The following DOK6 variants were observed in gnomAD, a reference collection of about 807,000 sequenced individuals.
The protein encoded by DOK6 is docking protein 6, also known as downstream of tyrosine kinase 6.
Under a neutral mutation model 44.0 loss-of-function variants are expected in DOK6, and 22 were observed. The ratio of observed to expected loss-of-function variants is 0.50; its 90% CI spans 0.36 to 0.71. DOK6 has a LOEUF of 0.71. Ranked by LOEUF, DOK6 falls within the 30% of genes least tolerant of loss-of-function variation. DOK6 has a pLI of 0.00. For missense variants in DOK6, 340 were observed against 416.4 expected (o/e 0.82, Z 1.60); for synonymous variants, 166 against 145.5 (o/e 1.14, Z -1.01).
chr18:69,825,890 T>TA (rs373518533), intron 7 of DOK6, among the ~76,000 whole-genome samples: 77 of 146,210 alleles, frequency 5.3e-4, no homozygotes, highest in Admixed American at 9.6e-4. Context: ...AGTGTGGCAT[T>TA]AAAAAAAAAA....
Position 69,845,442 on chromosome 18 carries a change from C to A in DOK6, c.*4059C>A, listed in dbSNP as rs1443419238. 1 of 152,074 alleles carries A rather than the reference C, an allele frequency of 6.6e-6. No individual in the cohort carries two copies. Among genetic ancestry groups the A allele is most frequent in the South Asian group, 2.1e-4 (1 of 4,832 alleles). 9.4% of individuals were successfully genotyped at this position (152,074 alleles called of 1,614,324 possible). A position where few individuals can be genotyped will look rare whatever the true frequency, so the allele number is the denominator to read the frequency against. ...CTCCCAAACACAGCCTTCTCAAAAT[C>A]GATAAAAATTTGCCACTGAATATGC... On this transcript the variant is annotated 3_prime_UTR_variant, in exon 8 of 8. Transcript: ENST00000382713.
intron 7 of DOK6, among the ~76,000 whole-genome samples, chr18:69,794,009 T>A (rs1356204754): frequency 6.6e-6 from 1 of 152,148 alleles, no homozygotes; most frequent in Non-Finnish European, 1.5e-5. Flanking sequence ...TTATTTAACA[T>A]CCCTGACAGA....
intron 2 of DOK6, among the ~76,000 whole-genome samples, chr18:69,584,039 C>T (rs1342607123): frequency 7.2e-5 from 10 of 138,336 alleles, no homozygotes; most frequent in South Asian, 4.7e-4. Flanking sequence ...ACCCGGGAGG[C>T]GGAGCTTGCA....
chr18:69,688,871 T>A (rs1986208035), intron 4 of DOK6, among the ~76,000 whole-genome samples: 2 of 152,216 alleles, frequency 1.3e-5, no homozygotes, highest in Non-Finnish European at 2.9e-5. Flanking sequence ...CTAGAATGAC[T>A]GGATATCTGT....
At chr18:69,545,600 C>A (rs1022001727) in intron 1 of DOK6, among the ~76,000 whole-genome samples, 1 of 150,284 alleles carries the variant, frequency 6.7e-6, no homozygotes, top group East Asian at 1.9e-4. Flanking sequence ...CATCATTTGC[C>A]CATTATGAAT....
In DOK6 at chr18:69,448,546, G is replaced by A. The variant is rs553203221; in HGVS notation, c.66+47236G>A. ...ACCACCATGCCCAGCTAATGTTTTTGTATTTTTAGTAGAGACAGGGTTTCA... is the reference window on the plus strand; with the variant it reads ...ACCACCATGCCCAGCTAATGTTTTTATATTTTTAGTAGAGACAGGGTTTCA... On this transcript the variant is annotated intron_variant, in intron 1 of 7. Coordinates refer to ENST00000382713, the MANE Select transcript of DOK6 (RefSeq NM_152721.6). 1.1e-3 allele frequency among the ~76,000 whole-genome samples: 171 copies of A among 152,034 alleles called. 3 individuals are homozygous for A. The highest frequency in any genetic ancestry group is 3.4e-3 in the Middle Eastern group (1 of 292).
At chr18:69,558,882 TG>T (rs1982756239) in intron 1 of DOK6, among the ~76,000 whole-genome samples, 1 of 152,038 alleles carries the variant, frequency 6.6e-6, no homozygotes, top group South Asian at 2.1e-4. Flanking sequence ...ATTTTGAAAA[TG>T]TACCATTGTT....
chr18:69,456,090 G>T (rs1979625694), intron 1 of DOK6, among the ~76,000 whole-genome samples: 1 of 152,080 alleles, frequency 6.6e-6, no homozygotes, highest in African/African-American at 2.4e-5. Context: ...ACCCATTGTA[G>T]TCAAGAACCG....
intron 5 of DOK6, among the ~76,000 whole-genome samples, chr18:69,726,514 T>G (rs576369114): frequency 3.3e-5 from 5 of 152,206 alleles, no homozygotes; most frequent in African/African-American, 1.2e-4. Flanking sequence ...AGTGCCTAAG[T>G]ATGCCTTGCC....
intron 3 of DOK6, among the ~76,000 whole-genome samples, chr18:69,664,038 G>T (rs1383568087): frequency 2.6e-5 from 4 of 152,120 alleles, no homozygotes; most frequent in African/African-American, 9.7e-5. Flanking sequence ...AAAATAAAAT[G>T]CTGTGTGATG....
At chr18:69,659,164 G>T (rs1279344974) in intron 3 of DOK6, among the ~76,000 whole-genome samples, 1 of 152,192 alleles carries the variant, frequency 6.6e-6, no homozygotes, top group African/African-American at 2.4e-5. Context: ...AGCTCTGCAT[G>T]TTCTCTGCTG....
intron 1 of DOK6, among the ~76,000 whole-genome samples, chr18:69,557,812 G>A (rs555524730): frequency 4.8e-4 from 73 of 152,236 alleles, no homozygotes; most frequent in South Asian, 2.9e-3. Context: ...GTCATCTGCC[G>A]TAAGACAGAC....
chr18:69,817,113 G>A (rs540542783), intron 7 of DOK6, among the ~76,000 whole-genome samples: 1 of 152,204 alleles, frequency 6.6e-6, no homozygotes, highest in Admixed American at 6.6e-5. Flanking sequence ...GTAAGCTTTA[G>A]TTCCTCGAGT....
chr18:69,617,023 G>A (rs1207354773), intron 3 of DOK6, among the ~76,000 whole-genome samples: 1 of 152,010 alleles, frequency 6.6e-6, no homozygotes, highest in Non-Finnish European at 1.5e-5. Context: ...TTAATATCCA[G>A]TAGTACAATA....
At chr18:69,473,944 C>A (rs1980188666) in intron 1 of DOK6, among the ~76,000 whole-genome samples, 1 of 150,086 alleles carries the variant, frequency 6.7e-6, no homozygotes, top group Admixed American at 6.6e-5. Flanking sequence ...GCACACCTTT[C>A]CCCCATGCAC....
intron 6 of DOK6, among the ~76,000 whole-genome samples, chr18:69,750,308 A>G (rs2144747962): frequency 6.6e-6 from 1 of 152,096 alleles, no homozygotes; most frequent in East Asian, 1.9e-4. Context: ...TTAATAAAAT[A>G]GCTAAGGAGG....
intron 4 of DOK6, among the ~76,000 whole-genome samples, chr18:69,696,954 G>A (rs1017796841): frequency 2.6e-5 from 4 of 152,138 alleles, no homozygotes; most frequent in African/African-American, 7.2e-5. Flanking sequence ...GCAATTTGTC[G>A]TTTCTTAGGA....
At chr18:69,443,994 A>G (rs144836777) in intron 1 of DOK6, among the ~76,000 whole-genome samples, 37 of 152,264 alleles carry the variant, frequency 2.4e-4, no homozygotes, top group Admixed American at 1.5e-3. Context: ...CAATACACAT[A>G]TACATACATT....
At chr18:69,702,142 T>G (rs1410157298) in intron 5 of DOK6, among the ~76,000 whole-genome samples, 3 of 150,568 alleles carry the variant, frequency 2.0e-5, no homozygotes, top group Non-Finnish European at 4.4e-5. Context: ...TGGTTTTTTT[T>G]TTTTTTTTTT....
Sources: gnomAD v4.1 joint callset for allele counts (sites outside exome capture counted in the v4.1 genomes callset) on GRCh38, gnomAD v4.1.1 for gene constraint, MANE v1.5 for transcripts, NCBI Gene and HGNC (gene_info 2026-07-23, HGNC 2026-07-21) for gene names.